Variants in KALRN observed in about 807,000 individuals in gnomAD.
KALRN encodes kalirin.
KALRN carries 70 observed loss-of-function variants against 353.7 expected under a neutral mutation model. The ratio of observed to expected loss-of-function variants is 0.20; its 90% CI spans 0.16 to 0.24. KALRN has a LOEUF of 0.24. Among genes scored for constraint, KALRN ranks in the 10% least tolerant of loss-of-function variants. The probability of loss-of-function intolerance (pLI) is 1.00; values close to 1 mark genes in which losing one functional copy is unlikely to be tolerated. For missense variants in KALRN, 2,791 were observed against 3,756.7 expected, an observed-to-expected ratio of 0.74 and a Z score of 6.72; for synonymous variants, 1,391 against 1,434.8, an observed-to-expected ratio of 0.97 and a Z score of 0.69.
At chr3:124,572,663 T>C (rs904263069) in intron 34 of KALRN, among the ~76,000 whole-genome samples, 3 of 152,194 alleles carry the variant, frequency 2.0e-5, no homozygotes, top group African/African-American at 7.2e-5. Flanking sequence ...AAAAGTGATT[T>C]TTAAACTGTG....
chr3:124,138,005 G>A (rs983679919), intron 1 of KALRN, among the ~76,000 whole-genome samples: 24 of 152,128 alleles, frequency 1.6e-4, no homozygotes, highest in Non-Finnish European at 3.1e-4. Context: ...AGCCCTAGTC[G>A]GAGCTTAAGG....
chr3:124,647,862 G>A (rs928941952), intron 37 of KALRN, among the ~76,000 whole-genome samples: 2 of 152,216 alleles, frequency 1.3e-5, no homozygotes, highest in Admixed American at 1.3e-4. Flanking sequence ...CCCAGGAAAT[G>A]TGTTCATTTT....
chr3:124,117,319 TG>T (rs1382064484), intron 1 of KALRN, among the ~76,000 whole-genome samples: 2 of 145,952 alleles, frequency 1.4e-5, no homozygotes, highest in African/African-American at 5.6e-5. Context: ...AGAAAAACAG[TG>T]TTTTTTTTTT....
intron 1 of KALRN, among the ~76,000 whole-genome samples, chr3:124,083,500 G>A (rs144385531): frequency 5.3e-5 from 8 of 152,112 alleles, no homozygotes; most frequent in Non-Finnish European, 1.2e-4. Flanking sequence ...GCATGGAAAC[G>A]TGAAGGCTGA....
intron 33 of KALRN, among the ~76,000 whole-genome samples, chr3:124,520,570 G>A (rs569627329): frequency 7.9e-5 from 12 of 152,116 alleles, no homozygotes; most frequent in South Asian, 2.1e-4. Context: ...CCACCTGCTC[G>A]CCCCTCCCAT....
intron 34 of KALRN, among the ~76,000 whole-genome samples, chr3:124,594,254 T>G (rs1370098406): frequency 6.6e-6 from 1 of 152,172 alleles, no homozygotes; most frequent in Non-Finnish European, 1.5e-5. Context: ...GGAGACAGAG[T>G]CTCGCTCTGT....
At chr3:124,494,230 C>CAT (rs1458084409) in intron 32 of KALRN, among the ~76,000 whole-genome samples, 1 of 152,224 alleles carries the variant, frequency 6.6e-6, no homozygotes, top group Non-Finnish European at 1.5e-5. Context: ...GAAACCTTGG[C>CAT]ATACTCTGCA....
chr3:124,318,017 G>C (rs2078975746), intron 6 of KALRN, among the ~76,000 whole-genome samples: 1 of 152,144 alleles, frequency 6.6e-6, no homozygotes, highest in African/African-American at 2.4e-5. Flanking sequence ...AGAGAGAGGA[G>C]CTTCTCTTTT....
In KALRN at chr3:124,724,193, T is replaced by C. The variant is rs1302608959; in HGVS notation, c.*4723T>C. On this transcript the variant is annotated 3_prime_UTR_variant, in exon 60 of 60. Coordinates refer to ENST00000682506, the MANE Select transcript of KALRN (RefSeq NM_001388419.1). ...AGAATATGAGGGAGCAAATATGATA[T>C]AAACTAAATTTTGCATTAACTAAAA... is the stretch of plus-strand genomic sequence containing the variant. 1 of 152,170 alleles carries C rather than the reference T, an allele frequency of 6.6e-6. No individual in the cohort carries two copies. Among genetic ancestry groups the C allele is most frequent in the Non-Finnish European group, 1.5e-5 (1 of 68,022 alleles). 9.4% of individuals were successfully genotyped at this position (152,170 alleles called of 1,614,324 possible).
intron 33 of KALRN, among the ~76,000 whole-genome samples, chr3:124,508,409 A>G (rs544146800): frequency 1.3e-5 from 2 of 152,322 alleles, no homozygotes; most frequent in Admixed American, 1.3e-4. Flanking sequence ...GGCTGTTTTT[A>G]TATGACTAGA....
At chr3:124,512,380 G>A (rs182429597) in intron 33 of KALRN, among the ~76,000 whole-genome samples, 12 of 152,208 alleles carry the variant, frequency 7.9e-5, no homozygotes, top group Non-Finnish European at 1.3e-4. Context: ...GGCCAGGTGC[G>A]GTGGCTTACG....
rs1426358739 is a variant in KALRN at position 124,419,425 on chromosome 3, G to A, written c.2543-3387G>A. Among the ~76,000 whole-genome samples the A allele has an allele frequency of 2.0e-5, 3 of 151,754 alleles. No homozygotes were observed. The East Asian group carries it at 5.8e-4, about 29-fold the overall frequency. On this transcript the variant is annotated intron_variant, in intron 14 of 59. Transcript: ENST00000682506. The stretch of plus-strand genomic sequence containing the variant: ...ACAGACAAGGAAATCCAGGCTCAGA[G>A]AGGGTAAGAAGCCCAGAGTCTCACC...
chr3:124,143,848 G>A (rs1421231560), intron 1 of KALRN, among the ~76,000 whole-genome samples: 1 of 152,152 alleles, frequency 6.6e-6, no homozygotes, highest in Non-Finnish European at 1.5e-5. Context: ...CTGTTTGAAA[G>A]TGGGGCATAT....
At chr3:124,502,850 G>A (rs561185828) in intron 33 of KALRN, among the ~76,000 whole-genome samples, 4 of 152,304 alleles carry the variant, frequency 2.6e-5, no homozygotes, top group South Asian at 4.1e-4. Context: ...GGCAGCATTA[G>A]GATTGATAAA....
chr3:124,266,630 C>G (rs975830411), intron 4 of KALRN, among the ~76,000 whole-genome samples: 1 of 152,156 alleles, frequency 6.6e-6, no homozygotes, highest in African/African-American at 2.4e-5. Context: ...TTTAATCTTT[C>G]AGCAGCTTCC....
At chr3:124,034,652 C>T (rs943109503) in intron 1 of KALRN, among the ~76,000 whole-genome samples, 1 of 152,060 alleles carries the variant, frequency 6.6e-6, no homozygotes, top group African/African-American at 2.4e-5. Flanking sequence ...CTAGAACCGG[C>T]ACTGACCACC....
chr3:124,077,432 CT>C (rs1018314526), intron 1 of KALRN, among the ~76,000 whole-genome samples: 9 of 152,160 alleles, frequency 5.9e-5, no homozygotes, highest in Non-Finnish European at 1.0e-4. Context: ...TTCATTCCTA[CT>C]CTTTCCCATG....
intron 33 of KALRN, among the ~76,000 whole-genome samples, chr3:124,510,128 A>G (rs1466470119): frequency 6.6e-6 from 1 of 152,178 alleles, no homozygotes; most frequent in East Asian, 1.9e-4. Context: ...GCACAATGTG[A>G]TGTGTTTGGC....
rs146528243 is a variant in KALRN, at chr3:124,129,749, C to T, written c.73+95936C>T. On this transcript the variant is annotated intron_variant, in intron 1 of 59. Coordinates refer to ENST00000682506, the MANE Select transcript of KALRN (RefSeq NM_001388419.1). ...CCTATGGGCAGGGCTGTTCTCCCTT[C>T]TTCTGTTTTCATTCCCCAGGAAACC... Among the ~76,000 whole-genome samples the T allele has an allele frequency of 2.6e-3, 390 of 152,346 alleles. 1 individual carries two copies. The highest frequency in any genetic ancestry group is 8.8e-3 in the African/African-American group (364 of 41,576).
Sources: gnomAD v4.1 joint callset for allele counts (sites outside exome capture counted in the v4.1 genomes callset) on GRCh38, gnomAD v4.1.1 for gene constraint, MANE v1.5 for transcripts, NCBI Gene and HGNC (gene_info 2026-07-23, HGNC 2026-07-21) for gene names.